GALM: variants seen among roughly 807,000 people sequenced by gnomAD.
The protein encoded by GALM is aldose 1-epimerase.
A neutral mutation model predicts 37.4 loss-of-function variants in GALM; 43 were observed. The ratio of observed to expected loss-of-function variants is 1.15; its 90% CI spans 0.90 to 1.48. GALM has a LOEUF of 1.48. GALM is among the 40% of genes most tolerant of loss of function. The pLI, the probability that GALM is intolerant of heterozygous loss-of-function variation, is 0.00. For synonymous variants in GALM, 199 were observed against 170.6 expected, an observed-to-expected ratio of 1.17 and a Z score of -1.30; for missense variants, 456 against 419.1, an observed-to-expected ratio of 1.09 and a Z score of -0.77.
At chr2:38,679,523 G>A (rs1055128013) in intron 2 of GALM, among the ~76,000 whole-genome samples, 1 of 152,156 alleles carries the variant, frequency 6.6e-6, no homozygotes, top group Non-Finnish European at 1.5e-5. Context: ...TTTCATTTGG[G>A]CAACCAAATC....
chr2:38,727,218 G>GAA (rs397868719), intron 4 of GALM, among the ~76,000 whole-genome samples: 6 of 113,776 alleles, frequency 5.3e-5, no homozygotes, highest in South Asian at 2.8e-4. Flanking sequence ...TCCGTCTCAA[G>GAA]AAAAAAAAAA....
At chr2:38,676,155 C>T (rs1665256231) in intron 2 of GALM, 89 bp downstream of exon 2, 1 of 1,323,818 alleles carries the variant, frequency 7.6e-7, no homozygotes, top group Non-Finnish European at 1.1e-6. Flanking sequence ...CCCTAGAGCA[C>T]ATGAGTGGTG....
Position 38,684,290 on chromosome 2 carries a change from T to A in GALM, c.552+2804T>A, listed in dbSNP as rs939483045. 3.3e-5 allele frequency among the ~76,000 whole-genome samples: 5 copies of A among 152,184 alleles called. No homozygotes were observed. In the East Asian group the frequency reaches 9.6e-4, roughly 29 times the overall value. On this transcript the variant is annotated intron_variant, in intron 3 of 6. Transcript: ENST00000272252. ...TTTGTCAAAGAATATAAAAGGTATG[T>A]AGGTTGCAGGTCGTTTTTTGTTTTA...
intron 3 of GALM, among the ~76,000 whole-genome samples, chr2:38,683,181 A>G (rs934477064): frequency 1.3e-5 from 2 of 152,180 alleles, no homozygotes; most frequent in Non-Finnish European, 2.9e-5. Context: ...AGTGTGTTCC[A>G]ATGAAGGAGA....
At chr2:38,726,309 C>T (rs1471405664) in intron 4 of GALM, among the ~76,000 whole-genome samples, 1 of 149,914 alleles carries the variant, frequency 6.7e-6, no homozygotes, top group East Asian at 2.0e-4. Context: ...TCACTGCAAG[C>T]TCCGCCTCCC....
rs980844256 is a variant in GALM at position 38,689,040 on chromosome 2, G to C, written c.553-773G>C. Among the ~76,000 whole-genome samples, 5 of 152,196 alleles carry C rather than the reference G, an allele frequency of 3.3e-5. No individual in the cohort carries two copies. The South Asian group carries it at 1.0e-3, about 32-fold the overall frequency. ...TCTTCTTTTTGGTCAGGCTGGTCTC[G>C]AACTCCTGACCTCAGGTGATCCGCC... On this transcript the variant is annotated intron_variant, in intron 3 of 6. Coordinates refer to ENST00000272252, the MANE Select transcript of GALM (RefSeq NM_138801.3).
intron 1 of GALM, among the ~76,000 whole-genome samples, chr2:38,675,543 T>TTG (rs1160196072): frequency 0.039 from 1,293 of 33,518 alleles, 36 homozygotes; most frequent in African/African-American, 0.045. Flanking sequence ...TTTTTTTTTT[T>TTG]TGTGTGTGTG....
At chr2:38,682,184 G>C (rs537370977) in intron 3 of GALM, 1 of 388,094 alleles carries the variant, frequency 2.6e-6, no homozygotes, top group South Asian at 1.8e-5. Flanking sequence ...GTGGTGTAGA[G>C]CTGCTGACAA....
intron 6 of GALM, among the ~76,000 whole-genome samples, chr2:38,732,474 C>T (rs1044927436): frequency 5.9e-5 from 9 of 152,180 alleles, no homozygotes; most frequent in African/African-American, 1.9e-4. Context: ...AGCCTTTATC[C>T]AGTTTGTTTC....
At chr2:38,683,537 C>T (rs1665449525) in intron 3 of GALM, among the ~76,000 whole-genome samples, 1 of 138,630 alleles carries the variant, frequency 7.2e-6, no homozygotes, top group South Asian at 2.1e-4. Context: ...TCAAAAAGCT[C>T]AGATTTTGGA....
intron 1 of GALM, among the ~76,000 whole-genome samples, chr2:38,670,043 A>T (rs1370881637): frequency 6.6e-6 from 1 of 151,768 alleles, no homozygotes; most frequent in Non-Finnish European, 1.5e-5. Flanking sequence ...TTGTATTTTT[A>T]GTAGAGACGG....
chr2:38,680,787 G>A (rs540444772), intron 2 of GALM, among the ~76,000 whole-genome samples: 1 of 152,142 alleles, frequency 6.6e-6, no homozygotes, highest in South Asian at 2.1e-4. Context: ...TACAAAGTTA[G>A]AGAAAAGAGA....
chr2:38,720,461 G>A (rs981573278), intron 4 of GALM, among the ~76,000 whole-genome samples: 1 of 150,056 alleles, frequency 6.7e-6, no homozygotes, highest in Non-Finnish European at 1.5e-5. Context: ...GGGGCAAGGA[G>A]GAGCCAGGGA....
intron 4 of GALM, among the ~76,000 whole-genome samples, chr2:38,694,151 C>T (rs1389185990): frequency 6.6e-6 from 1 of 151,376 alleles, no homozygotes; most frequent in Non-Finnish European, 1.5e-5. Context: ...CACTGCACTT[C>T]AATGTGGGTG....
At chr2:38,673,667 G>A (rs1480918676) in intron 1 of GALM, among the ~76,000 whole-genome samples, 1 of 152,138 alleles carries the variant, frequency 6.6e-6, no homozygotes, top group African/African-American at 2.4e-5. Context: ...AAAATAAGCC[G>A]GGCATGGTGG....
At chr2:38,711,800 C>CCATCACTAT (rs1666171425) in intron 4 of GALM, among the ~76,000 whole-genome samples, 1 of 107,344 alleles carries the variant, frequency 9.3e-6, no homozygotes. Context: ...ATCACCATCA[C>CCATCACTAT]CATCACCATC....
chr2:38,730,644 G>C (rs1666588916), intron 5 of GALM, among the ~76,000 whole-genome samples: 1 of 152,160 alleles, frequency 6.6e-6, no homozygotes, highest in Non-Finnish European at 1.5e-5. Flanking sequence ...CTCCGGGCTG[G>C]GCGTGGTGGC....
At chr2:38,729,777 CCA>C in intron 5 of GALM, 80 bp downstream of exon 5, 1 of 1,187,450 alleles carries the variant, frequency 8.4e-7, no homozygotes, top group Non-Finnish European at 1.2e-6. Context: ...TTTCCTCTGG[CCA>C]TATCAATAGC....
chr2:38,730,411 C>T (rs1291439761), intron 5 of GALM, among the ~76,000 whole-genome samples: 2 of 152,086 alleles, frequency 1.3e-5, no homozygotes, highest in Admixed American at 6.6e-5. Flanking sequence ...GGATAACAGG[C>T]ACGTGCCACT....
Sources: gnomAD v4.1 joint callset for allele counts (sites outside exome capture counted in the v4.1 genomes callset) on GRCh38, gnomAD v4.1.1 for gene constraint, MANE v1.5 for transcripts, NCBI Gene and HGNC (gene_info 2026-07-23, HGNC 2026-07-21) for gene names.